The following KCNG2 variants were observed in gnomAD, a reference collection of about 807,000 sequenced individuals.
KCNG2 encodes the protein potassium voltage-gated channel modifier subfamily G member 2.
Under a neutral mutation model 12.3 loss-of-function variants are expected in KCNG2, and 7 were observed. That is an observed-to-expected ratio of 0.57 (90% confidence interval 0.32 to 1.07). KCNG2 has a LOEUF of 1.07. KCNG2 is among the 50% of genes least tolerant of loss of function. The pLI is 0.04. For missense variants in KCNG2, 703 were observed against 726.0 expected (o/e 0.97, Z 0.36); for synonymous variants, 414 against 351.4 (o/e 1.18, Z -1.99).
At chr18:79,867,906 C>A (rs1157853120) in intron 3 of KCNG2, among the ~76,000 whole-genome samples, 1 of 152,120 alleles carries the variant, frequency 6.6e-6, no homozygotes, top group Non-Finnish European at 1.5e-5. Flanking sequence ...AAGGGCACAG[C>A]AAGAAGCTGA....
chr18:79,827,429 A>G (rs1978286961), intron 1 of KCNG2, among the ~76,000 whole-genome samples: 1 of 152,234 alleles, frequency 6.6e-6, no homozygotes, highest in South Asian at 2.1e-4. Flanking sequence ...ATCTGGCCCC[A>G]GCCAGGGTTT....
intron 1 of KCNG2, among the ~76,000 whole-genome samples, chr18:79,832,028 C>A (rs1978298792): frequency 6.6e-6 from 1 of 152,190 alleles, no homozygotes; most frequent in African/African-American, 2.4e-5. Context: ...AGAAGTTTCT[C>A]CATAGCTAGG....
intron 1 of KCNG2, among the ~76,000 whole-genome samples, chr18:79,840,206 C>G (rs1439706304): frequency 6.6e-6 from 1 of 152,046 alleles, no homozygotes; most frequent in Admixed American, 6.5e-5. Flanking sequence ...TGATTGTATA[C>G]ACAGAAAATC....
chr18:79,842,541 C>G (rs1335800811), intron 1 of KCNG2, among the ~76,000 whole-genome samples: 1 of 152,060 alleles, frequency 6.6e-6, no homozygotes, highest in African/African-American at 2.4e-5. Flanking sequence ...AACAGCCTGA[C>G]AAAGAATTCA....
chr18:79,879,783 C>T (rs1201802762), intron 3 of KCNG2, among the ~76,000 whole-genome samples: 5 of 152,202 alleles, frequency 3.3e-5, no homozygotes, highest in Admixed American at 6.5e-5. Flanking sequence ...TGAATGGAAA[C>T]GCACGCGTGT....
At chr18:79,826,292 C>T (rs1209855383) in intron 1 of KCNG2, among the ~76,000 whole-genome samples, 1 of 152,252 alleles carries the variant, frequency 6.6e-6, no homozygotes, top group Non-Finnish European at 1.5e-5. Flanking sequence ...GCAGGCAGAG[C>T]TGCAGGGAAA....
At chr18:79,827,489 G>T (rs1026134140) in intron 1 of KCNG2, among the ~76,000 whole-genome samples, 2 of 152,220 alleles carry the variant, frequency 1.3e-5, no homozygotes, top group African/African-American at 4.8e-5. Flanking sequence ...TAGCACAGCG[G>T]CTCTCAAACT....
chr18:79,825,268 A>G (rs1351984917), intron 1 of KCNG2, among the ~76,000 whole-genome samples: 1 of 152,216 alleles, frequency 6.6e-6, no homozygotes. Context: ...CTGATTGTTC[A>G]GTCTGTTTCA....
intron 1 of KCNG2, among the ~76,000 whole-genome samples, chr18:79,832,356 C>A (rs1376878375): frequency 6.7e-6 from 1 of 149,912 alleles, no homozygotes; most frequent in Non-Finnish European, 1.5e-5. Flanking sequence ...CCCTTCCTCA[C>A]CTGTCCATCC....
At chr18:79,869,007 G>A (rs961065649) in intron 3 of KCNG2, among the ~76,000 whole-genome samples, 1 of 152,184 alleles carries the variant, frequency 6.6e-6, no homozygotes, top group Non-Finnish European at 1.5e-5. Flanking sequence ...GCCACCACAC[G>A]GGTCGGCTTC....
Position 79,899,641 on chromosome 18 carries a change from C to T in KCNG2, c.1226C>T (p.Ser409Leu), listed in dbSNP as rs370084139. 24 of 1,605,116 alleles carry T rather than the reference C, an allele frequency of 1.5e-5. No individual in the cohort carries two copies. Among genetic ancestry groups the T allele is most frequent in the South Asian group, 2.2e-5 (2 of 89,628 alleles). The change falls in exon 4 of 4, where the codon TCG becomes TTG. Residue 409 changes from serine to leucine, a missense_variant. Transcript: ENST00000316249. The stretch of plus-strand genomic sequence containing the variant: ...GTCACCTCCATCTTCCACACCTTTT[C>T]GCGCTCCTACTCCGAGCTCAAGGAG... ...FPVTSIFHTF[S>L]RSYSELKEQQ...
chr18:79,827,179 C>G (rs1271447440), intron 1 of KCNG2, among the ~76,000 whole-genome samples: 3 of 152,210 alleles, frequency 2.0e-5, no homozygotes, highest in Non-Finnish European at 4.4e-5. Flanking sequence ...GGTGCGCCCC[C>G]ACATGGTCAT....
At chr18:79,824,606 G>A (rs2087597993) in intron 1 of KCNG2, among the ~76,000 whole-genome samples, 1 of 152,140 alleles carries the variant, frequency 6.6e-6, no homozygotes, top group Non-Finnish European at 1.5e-5. Context: ...TGCCTCTAGT[G>A]TTTCTCCATT....
chr18:79,856,864 G>A (rs1180835516), intron 2 of KCNG2, among the ~76,000 whole-genome samples: 1 of 151,868 alleles, frequency 6.6e-6, no homozygotes, highest in East Asian at 1.9e-4. Context: ...CCGGCAGGTT[G>A]GAACCTTCAG....
chr18:79,858,425 A>G (rs1979097856), intron 2 of KCNG2, among the ~76,000 whole-genome samples: 1 of 152,226 alleles, frequency 6.6e-6, no homozygotes, highest in Non-Finnish European at 1.5e-5. Flanking sequence ...GTGGCTGCAT[A>G]ACATTCCTGT....
chr18:79,823,000 C>T lies in KCNG2; in HGVS notation c.-115+24986C>T, dbSNP rs1353788129. On this transcript the variant is annotated intron_variant, in intron 1 of 3. Coordinates refer to ENST00000316249, the MANE Select transcript of KCNG2 (RefSeq NM_012283.2). This position sits in a 1 kb window ranked among gnomAD's most constrained non-coding sequence, Gnocchi z 4.4. ...TAGGAGTCACTGCCTCTGGAAGGCC[C>T]TTCCCACCTCCCTCCATGGGGAGAC... 6.6e-6 allele frequency among the ~76,000 whole-genome samples: 1 copy of T among 152,160 alleles called. No individual in the cohort carries two copies. The highest frequency in any genetic ancestry group is 2.1e-4 in the South Asian group (1 of 4,832).
Position 79,899,747 on chromosome 18 carries a change from G to T in KCNG2, c.1332G>T (p.Ser444=), listed in dbSNP as rs752211575. Residue 444 remains serine (S), a synonymous_variant, in exon 4 of 4, where the codon TCG becomes TCT. Coordinates refer to ENST00000316249, the MANE Select transcript of KCNG2 (RefSeq NM_012283.2). ...CGGCCACAGCCACCGAGGACAGCTC[G>T]CAGGGCCCCGACAGCGCGGGCCTGG... The part of the protein sequence containing the change: ...THSATATEDS[S]QGPDSAGLAD... 17 of 1,585,792 alleles carry T rather than the reference G, an allele frequency of 1.1e-5. No individual in the cohort carries two copies. Among genetic ancestry groups the T allele is most frequent in the South Asian group, 1.0e-4 (9 of 88,070 alleles).
intron 3 of KCNG2, among the ~76,000 whole-genome samples, chr18:79,880,823 A>G (rs142234333): frequency 6.6e-6 from 1 of 152,360 alleles, no homozygotes; most frequent in African/African-American, 2.4e-5. Context: ...AATTCACAAT[A>G]TTAATGCACC....
intron 1 of KCNG2, among the ~76,000 whole-genome samples, chr18:79,829,558 G>T (rs373927987): frequency 3.6e-4 from 54 of 151,982 alleles, no homozygotes; most frequent in African/African-American, 1.2e-3. Flanking sequence ...GCCTCACATC[G>T]GTCCGTCTCT....
Sources: allele counts gnomAD v4.1 joint callset (sites outside exome capture counted in the v4.1 genomes callset), GRCh38; gene constraint gnomAD v4.1.1; non-coding constraint Gnocchi (gnomAD v3.1); transcripts MANE v1.5; gene names NCBI Gene and HGNC (gene_info 2026-07-23, HGNC 2026-07-21).